The following CCDC34 variants were observed in gnomAD, a reference collection of about 807,000 sequenced individuals.
CCDC34 encodes coiled-coil domain-containing protein 34.
In CCDC34, 40 loss-of-function variants were observed where a neutral mutation model predicts 44.1. The ratio of observed to expected loss-of-function variants is 0.91; its 90% CI spans 0.70 to 1.18. The LOEUF (loss-of-function observed/expected upper bound fraction) is 1.18, where lower values mean the gene tolerates loss of function less well. Ranked by LOEUF, CCDC34 falls within the 50% of genes most tolerant of loss-of-function variation. The pLI is 0.00. For missense variants in CCDC34, 466 were observed against 452.3 expected, an observed-to-expected ratio of 1.03 and a Z score of -0.28; for synonymous variants, 159 against 158.2, an observed-to-expected ratio of 1.01 and a Z score of -0.04.
At chr11:27,340,130 G>A (rs1001518166) in intron 5 of CCDC34, among the ~76,000 whole-genome samples, 5 of 152,150 alleles carry the variant, frequency 3.3e-5, no homozygotes, top group African/African-American at 1.2e-4. Flanking sequence ...GAACAAAACA[G>A]AATGGGAGTA....
At position 27,339,017 on chromosome 11, in the gene CCDC34, G is replaced by A. The variant is rs1310498520; in HGVS notation, c.926C>T (p.Ser309Phe). ...GKLTGFYSGN[S>F]YPEPAFYNPI... is the part of the protein sequence containing the mutation. ...ATTATAAAAGGCTGGTTCTGGATAGGAATTTCCACTGTAAAAACCTAAAAT... is the reference window on the plus strand; with the variant it reads ...ATTATAAAAGGCTGGTTCTGGATAGAAATTTCCACTGTAAAAACCTAAAAT... The change falls in exon 6 of 6, where the codon TCC (serine) becomes TTC (phenylalanine). Residue 309 changes from serine (S) to phenylalanine (F), a missense_variant. Coordinates refer to ENST00000328697, the MANE Select transcript of CCDC34 (RefSeq NM_030771.2). The A allele has an allele frequency of 6.2e-7, 1 of 1,607,974 alleles. No individual in the cohort carries two copies. Among genetic ancestry groups the A allele is most frequent in the East Asian group, 2.2e-5 (1 of 44,734 alleles).
chr11:27,357,517 G>C lies in CCDC34; in HGVS notation c.384C>G (p.Asn128Lys), dbSNP rs769933003. The change falls in exon 2 of 6, where the codon AAC becomes AAG. Residue 128 changes from asparagine to lysine, a missense_variant. Asn to Lys is a moderately conservative substitution (Grantham distance 94). Transcript: ENST00000328697. ...CASTQVESENNQEEQKQVRLP... is the reference protein window; with the variant it reads ...CASTQVESENKQEEQKQVRLP... ...AGCGCACCTGTTTCTGTTCTTCTTG[G>C]TTATTTTCTGATTCAACCTGAGTGC... 19 of 1,613,696 alleles carry C rather than the reference G, an allele frequency of 1.2e-5. No homozygotes were observed. The highest frequency in any genetic ancestry group is 1.7e-5 in the Admixed American group (1 of 59,972).
chr11:27,360,494 G>T (rs950676816), intron 1 of CCDC34, among the ~76,000 whole-genome samples: 11 of 152,254 alleles, frequency 7.2e-5, no homozygotes, highest in African/African-American at 2.6e-4. Context: ...GGCAGGTGAG[G>T]CATGGAGAAA....
chr11:27,345,593 T>C, intron 3 of CCDC34, among the ~76,000 whole-genome samples: 1 of 152,184 alleles, frequency 6.6e-6, no homozygotes, highest in Non-Finnish European at 1.5e-5. Flanking sequence ...GCTTCATCCA[T>C]GTCCCTACAA....
At chr11:27,362,339 T>C (rs1295656907) in intron 1 of CCDC34, among the ~76,000 whole-genome samples, 2 of 152,228 alleles carry the variant, frequency 1.3e-5, no homozygotes, top group African/African-American at 4.8e-5. Flanking sequence ...CATGCTGAGG[T>C]TGACATTGCT....
chr11:27,357,454 A>T lies in CCDC34; in HGVS notation c.447T>A (p.Phe149Leu). The T allele has an allele frequency of 1.2e-6, 2 of 1,613,964 alleles. No homozygotes were observed. Among genetic ancestry groups the T allele is most frequent in the South Asian group, 2.2e-5 (2 of 91,058 alleles). ...ESRLTPWEVWFIGKEKEERDR... is the reference protein window; with the variant it reads ...ESRLTPWEVWLIGKEKEERDR... Reference sequence around the variant, plus strand: ...CACGTTCTTCTTTTTCTTTGCCAATAAACCACACCTCCCATGGTGTCAGGC... The same window carrying T: ...CACGTTCTTCTTTTTCTTTGCCAATTAACCACACCTCCCATGGTGTCAGGC... The change falls in exon 2 of 6, where the codon TTT becomes TTA. Residue 149 changes from phenylalanine to leucine, a missense_variant. Phe to Leu is a conservative substitution (Grantham distance 22). Transcript: ENST00000328697.
Position 27,340,778 on chromosome 11 carries a change from CT to C in CCDC34, c.824del (p.Lys275SerfsTer70), listed in dbSNP as rs778710875. ...IQEKKEIAEK[K>X]FQEWLENAKH... ...TCGCATTTTCCAACCATTCTTGAAA[CT>C]TTTTTTCTGCTATTTCCTTTTTCTC... On this transcript the variant is annotated frameshift_variant, in exon 5 of 6. Transcript: ENST00000328697. LOFTEE classifies it high-confidence loss of function. 6.8e-6 allele frequency: 11 copies of C among 1,613,442 alleles called. No individual in the cohort carries two copies. The African/African-American group carries it at 1.1e-4, about 16-fold the overall frequency.
In CCDC34 at chr11:27,341,391, C is replaced by T. The variant is rs757202932; in HGVS notation, c.765+1G>A. 1 of 1,421,934 alleles carries T rather than the reference C, an allele frequency of 7.0e-7. No homozygotes were observed. Among genetic ancestry groups the T allele is most frequent in the Non-Finnish European group, 9.6e-7 (1 of 1,046,690 alleles). 88.1% of individuals were successfully genotyped at this position (1,421,934 alleles called of 1,614,324 possible). ...CTAACTGGTCACTTTAATAAAAATA[C>T]CTTTTCTTTCTTCTTCCTCTCACAT... On this transcript the variant is annotated splice_donor_variant, in intron 4 of 5. Coordinates refer to ENST00000328697, the MANE Select transcript of CCDC34 (RefSeq NM_030771.2). LOFTEE classifies it high-confidence loss of function.
At chr11:27,358,687 T>G (rs866330227) in intron 1 of CCDC34, among the ~76,000 whole-genome samples, 1 of 152,168 alleles carries the variant, frequency 6.6e-6, no homozygotes, top group African/African-American at 2.4e-5. Context: ...TACCACTACA[T>G]GCTGATGATG....
At chr11:27,347,411 A>T (rs180898049) in intron 3 of CCDC34, among the ~76,000 whole-genome samples, 21 of 152,372 alleles carry the variant, frequency 1.4e-4, no homozygotes, top group African/African-American at 5.0e-4. Flanking sequence ...AGACTTGTAC[A>T]TGAGTGGTCA....
In CCDC34 at chr11:27,358,960, C is replaced by CG. The variant is rs769716839; in HGVS notation, c.360-1420_360-1419insC. 5.4e-4 allele frequency among the ~76,000 whole-genome samples: 14 copies of CG among 25,698 alleles called. 1 individual carries two copies. The highest frequency in any genetic ancestry group is 3.1e-3 in the South Asian group (2 of 652). 16.9% of individuals were successfully genotyped at this position (25,698 alleles called of 152,430 possible). On this transcript the variant is annotated intron_variant, in intron 1 of 5. Coordinates refer to ENST00000328697, the MANE Select transcript of CCDC34 (RefSeq NM_030771.2). ...ACCTGCTCCTTGTCAACATGTGGAC[C>CG]CCCCCCCCCCACCGCCACCACCTCC...
At chr11:27,358,539 CTTCA>C (rs965822161) in intron 1 of CCDC34, among the ~76,000 whole-genome samples, 9 of 152,238 alleles carry the variant, frequency 5.9e-5, no homozygotes, top group African/African-American at 1.4e-4. Flanking sequence ...ACTATTATTT[CTTCA>C]TTCATTCATG....
At chr11:27,345,500 T>C (rs1862420200) in intron 3 of CCDC34, among the ~76,000 whole-genome samples, 2 of 152,178 alleles carry the variant, frequency 1.3e-5, no homozygotes, top group East Asian at 1.9e-4. Flanking sequence ...GTGTTCTCAT[T>C]GTTCAGTTCC....
At chr11:27,362,695 C>CG (rs75934165) in intron 1 of CCDC34, 141 bp downstream of exon 1, 123 of 887,954 alleles carry the variant, frequency 1.4e-4, no homozygotes, top group Non-Finnish European at 2.0e-4. Context: ...TCTTTATGTG[C>CG]AAAAAAAACC....
At chr11:27,359,584 G>A (rs1862632126) in intron 1 of CCDC34, among the ~76,000 whole-genome samples, 1 of 151,662 alleles carries the variant, frequency 6.6e-6, no homozygotes. Context: ...CGCCTCCCTG[G>A]TTCACACCAT....
chr11:27,348,803 GAAAA>G (rs34797091), intron 3 of CCDC34: 515 of 760,758 alleles, frequency 6.8e-4, no homozygotes, highest in African/African-American at 7.3e-4. Flanking sequence ...AGGTCTTAAA[GAAAA>G]AAAAAAAAAA....
At chr11:27,361,903 A>G (rs1190631089) in intron 1 of CCDC34, among the ~76,000 whole-genome samples, 1 of 152,144 alleles carries the variant, frequency 6.6e-6, no homozygotes, top group African/African-American at 2.4e-5. Context: ...CCCAGAATAG[A>G]CCTGCATTAC....
rs772071385 is a variant in CCDC34, at chr11:27,362,828, G to C, written c.359+8C>G. On this transcript the variant is annotated splice_region_variant and intron_variant, in intron 1 of 5. Coordinates refer to ENST00000328697, the MANE Select transcript of CCDC34 (RefSeq NM_030771.2). ...AGGGCTGAATCGGCCGGGCGGCCTC[G>C]GGTTTACCTGGCGCACCCCTGTAAC... 6.2e-7 allele frequency: 1 copy of C among 1,610,990 alleles called. No individual in the cohort carries two copies. The highest frequency in any genetic ancestry group is 1.3e-5 in the African/African-American group (1 of 74,792).
intron 3 of CCDC34, among the ~76,000 whole-genome samples, chr11:27,346,473 A>AGG (rs1159645549): frequency 8.8e-6 from 1 of 113,330 alleles, no homozygotes; most frequent in Non-Finnish European, 1.8e-5. Context: ...AGACAGAGGA[A>AGG]AGAAGGAAGG....
Sources: gnomAD v4.1 joint callset for allele counts (sites outside exome capture counted in the v4.1 genomes callset) on GRCh38, gnomAD v4.1.1 for gene constraint, MANE v1.5 for transcripts, NCBI Gene and HGNC (gene_info 2026-07-23, HGNC 2026-07-21) for gene names.